The following SRSF12 variants were observed in gnomAD, a reference collection of about 807,000 sequenced individuals.
SRSF12 encodes serine and arginine rich splicing factor 12.
SRSF12 carries 21 observed loss-of-function variants against 34.1 expected under a neutral mutation model. The ratio of observed to expected loss-of-function variants is 0.62; its 90% CI spans 0.44 to 0.89. The LOEUF is 0.89. Ranked by LOEUF, SRSF12 falls within the 40% of genes least tolerant of loss-of-function variation. The pLI, the probability that SRSF12 is intolerant of heterozygous loss-of-function variation, is 0.00. For missense variants in SRSF12, 278 were observed against 327.8 expected (o/e 0.85, Z 1.17); for synonymous variants, 111 against 110.8 (o/e 1.00, Z -0.01).
In SRSF12 at chr6:89,117,986, G is replaced by C; in HGVS notation, c.-99C>G. 1 of 1,320,444 alleles carries C rather than the reference G, an allele frequency of 7.6e-7. No individual in the cohort carries two copies. Among genetic ancestry groups the C allele is most frequent in the Non-Finnish European group, 1.0e-6 (1 of 975,122 alleles). 81.8% of individuals were successfully genotyped at this position (1,320,444 alleles called of 1,614,324 possible). A position where few individuals can be genotyped will look rare whatever the true frequency, so the allele number is the denominator to read the frequency against. ...CACCACAGGAGCTCCGCCGGCCCCC[G>C]GCGCGACCCCCACCCCTCGGCCTCA... On this transcript the variant is annotated 5_prime_UTR_variant, in exon 1 of 5. Transcript: ENST00000452027.
At chr6:89,116,880 T>C (rs1331683544) in intron 1 of SRSF12, among the ~76,000 whole-genome samples, 2 of 152,176 alleles carry the variant, frequency 1.3e-5, no homozygotes, top group Non-Finnish European at 2.9e-5. Context: ...AAGAGCTCCA[T>C]GTATCTATAC....
chr6:89,098,679 T>C lies in SRSF12; in HGVS notation c.685A>G (p.Lys229Glu). Reference protein sequence around the residue: ...SIARSPCKSPKGYTNSETKVQ... With the variant: ...SIARSPCKSPEGYTNSETKVQ... The stretch of plus-strand genomic sequence containing the variant: ...TTAGTTTCAGAATTGGTATACCCTT[T>C]GGGAGATTTACACGGGGATCTTGCT... Residue 229 changes from lysine (K) to glutamate (E), a missense_variant, in exon 5 of 5, where the codon AAA becomes GAA. Lys to Glu is a moderately conservative substitution (Grantham distance 56). Coordinates refer to ENST00000452027, the MANE Select transcript of SRSF12 (RefSeq NM_080743.5). 1 of 1,614,020 alleles carries C rather than the reference T, an allele frequency of 6.2e-7. No individual in the cohort carries two copies. The highest frequency in any genetic ancestry group is 8.5e-7 in the Non-Finnish European group (1 of 1,179,894).
At chr6:89,104,941 C>G (rs1339782888) in intron 4 of SRSF12, among the ~76,000 whole-genome samples, 178 bp downstream of exon 4, 1 of 151,828 alleles carries the variant, frequency 6.6e-6, no homozygotes, top group Non-Finnish European at 1.5e-5. Context: ...CTGTAGTACC[C>G]GCTACTTGGG....
intron 1 of SRSF12, among the ~76,000 whole-genome samples, chr6:89,110,400 C>T (rs1768988790): frequency 2.0e-5 from 3 of 152,148 alleles, no homozygotes; most frequent in African/African-American, 7.2e-5. Context: ...ACTGGTTACT[C>T]GGTTACACCC....
chr6:89,103,707 G>A (rs900850816), intron 4 of SRSF12, among the ~76,000 whole-genome samples: 6 of 151,882 alleles, frequency 4.0e-5, no homozygotes, highest in African/African-American at 1.2e-4. Flanking sequence ...TAATCCACCC[G>A]CCTTGGCCTC....
chr6:89,111,268 C>T (rs1769037008), intron 1 of SRSF12, among the ~76,000 whole-genome samples: 1 of 152,130 alleles, frequency 6.6e-6, no homozygotes, highest in South Asian at 2.1e-4. Flanking sequence ...GCCAGCACAC[C>T]TTGTTTATTC....
intron 1 of SRSF12, among the ~76,000 whole-genome samples, 186 bp downstream of exon 1, chr6:89,117,637 C>A (rs1769371558): frequency 6.6e-6 from 1 of 152,004 alleles, no homozygotes; most frequent in African/African-American, 2.4e-5. Flanking sequence ...AGGGCGGAGG[C>A]GCGAGTTCCG....
intron 1 of SRSF12, 123 bp downstream of exon 1, chr6:89,117,700 T>A: frequency 1.0e-6 from 1 of 993,960 alleles, no homozygotes; most frequent in Non-Finnish European, 1.4e-6. Context: ...TGGCGCAGCC[T>A]GGGCCCGCGG....
At chr6:89,105,374 C>G in intron 3 of SRSF12, 53 bp downstream of exon 3, 1 of 1,564,330 alleles carries the variant, frequency 6.4e-7, no homozygotes, top group Non-Finnish European at 8.7e-7. Context: ...AATCAGTCAT[C>G]ACTGAAACTC....
Position 89,095,971 on chromosome 6 carries a change from GTTTGA to G in SRSF12, c.*2602_*2606del, listed in dbSNP as rs777088591. 1 of 152,074 alleles carries G rather than the reference GTTTGA, an allele frequency of 6.6e-6. No individual in the cohort carries two copies. Among genetic ancestry groups the G allele is most frequent in the East Asian group, 1.9e-4 (1 of 5,204 alleles). 9.4% of individuals were successfully genotyped at this position (152,074 alleles called of 1,614,324 possible). A position where few individuals can be genotyped will look rare whatever the true frequency, so the allele number is the denominator to read the frequency against. On this transcript the variant is annotated 3_prime_UTR_variant, in exon 5 of 5. Transcript: ENST00000452027. Reference sequence around the variant, plus strand: ...GATCACAGATGTCTAAAATTAAAACGTTTGATTTATTAATAAACAAAGTATCTCTC... The same window carrying G: ...GATCACAGATGTCTAAAATTAAAACGTTTATTAATAAACAAAGTATCTCTC...
intron 1 of SRSF12, among the ~76,000 whole-genome samples, chr6:89,110,567 T>C (rs1413374029): frequency 6.6e-6 from 1 of 152,100 alleles, no homozygotes; most frequent in African/African-American, 2.4e-5. Flanking sequence ...CCATTTTTTA[T>C]CTGTAATACA....
At chr6:89,105,067 T>A (rs1768723926) in intron 4 of SRSF12, 52 bp downstream of exon 4, 5 of 1,519,532 alleles carry the variant, frequency 3.3e-6, no homozygotes, top group South Asian at 1.3e-5. Context: ...AAAATATATA[T>A]CTATTTCCCA....
chr6:89,107,585 G>A (rs1427556595), intron 1 of SRSF12, among the ~76,000 whole-genome samples: 2 of 152,022 alleles, frequency 1.3e-5, no homozygotes, highest in Admixed American at 1.3e-4. Flanking sequence ...ACAAAAATCA[G>A]CCAGGTGTGG....
At chr6:89,117,750 CG>C in intron 1 of SRSF12, 72 bp downstream of exon 1, 1 of 1,435,138 alleles carries the variant, frequency 7.0e-7, no homozygotes, top group Non-Finnish European at 9.2e-7. Flanking sequence ...CGCCGGGCCT[CG>C]GCCGTGCTCC....
chr6:89,100,319 A>G (rs1484194763), intron 4 of SRSF12, among the ~76,000 whole-genome samples: 1 of 152,238 alleles, frequency 6.6e-6, no homozygotes, highest in Non-Finnish European at 1.5e-5. Flanking sequence ...GTAACAACCC[A>G]GAAGGGCTAC....
intron 1 of SRSF12, among the ~76,000 whole-genome samples, chr6:89,115,626 TCTTTC>T (rs1769254977): frequency 6.8e-6 from 1 of 146,576 alleles, no homozygotes; most frequent in Admixed American, 6.8e-5. Flanking sequence ...TTTTCTTTTT[TCTTTC>T]TTTTTTTTTT....
chr6:89,102,932 T>C (rs1459656011), intron 4 of SRSF12, among the ~76,000 whole-genome samples: 1 of 152,192 alleles, frequency 6.6e-6, no homozygotes, highest in South Asian at 2.1e-4. Flanking sequence ...GTGGCTAATT[T>C]TTTTTAGTTT....
chr6:89,103,332 T>A (rs952943694), intron 4 of SRSF12, among the ~76,000 whole-genome samples: 2 of 125,362 alleles, frequency 1.6e-5, no homozygotes, highest in African/African-American at 8.1e-5. Flanking sequence ...ATTTAAATTC[T>A]TTTTTTTTTT....
chr6:89,115,470 C>A (rs994236619), intron 1 of SRSF12, among the ~76,000 whole-genome samples: 1 of 151,716 alleles, frequency 6.6e-6, no homozygotes, highest in Non-Finnish European at 1.5e-5. Flanking sequence ...TTAGTACAGA[C>A]GGGGTTTCAC....
Sources: gnomAD v4.1 joint callset for allele counts (sites outside exome capture counted in the v4.1 genomes callset) on GRCh38, gnomAD v4.1.1 for gene constraint, MANE v1.5 for transcripts, NCBI Gene and HGNC (gene_info 2026-07-23, HGNC 2026-07-21) for gene names.